The following PRKCB variants were observed in gnomAD, a reference collection of about 807,000 sequenced individuals.
PRKCB encodes protein kinase C beta.
In PRKCB, 13 loss-of-function variants were observed where a neutral mutation model predicts 81.5. The observed-to-expected ratio is 0.16, with a 90% CI of 0.10 to 0.25. The LOEUF is 0.25. Among genes scored for constraint, PRKCB ranks in the 10% least tolerant of loss-of-function variants. PRKCB has a pLI of 1.00. For synonymous variants in PRKCB, 335 were observed against 321.4 expected (o/e 1.04, Z -0.45); for missense variants, 509 against 875.7 (o/e 0.58, Z 5.29).
chr16:24,198,219 C>T (rs1967907040), intron 16 of PRKCB, among the ~76,000 whole-genome samples: 1 of 152,196 alleles, frequency 6.6e-6, no homozygotes, highest in African/African-American at 2.4e-5. Context: ...ACAAGATATG[C>T]TAGGTAATAT....
intron 8 of PRKCB, among the ~76,000 whole-genome samples, chr16:24,117,843 C>T (rs973717119): frequency 6.6e-6 from 1 of 152,184 alleles, no homozygotes; most frequent in Non-Finnish European, 1.5e-5. Flanking sequence ...GAATGCATGC[C>T]TCAGAATTTC....
At chr16:24,160,923 G>A (rs1204294391) in intron 10 of PRKCB, among the ~76,000 whole-genome samples, 1 of 152,132 alleles carries the variant, frequency 6.6e-6, no homozygotes, top group East Asian at 1.9e-4. Flanking sequence ...TGCTCCGCGT[G>A]TTTGAGGAAC....
At chr16:23,903,738 C>G (rs1963517867) in intron 2 of PRKCB, among the ~76,000 whole-genome samples, 1 of 152,130 alleles carries the variant, frequency 6.6e-6, no homozygotes, top group Non-Finnish European at 1.5e-5. Context: ...GCCTGGAATA[C>G]TTTTTCTTCT....
In PRKCB at chr16:23,963,471, T is replaced by C. The variant is rs577853045; in HGVS notation, c.206-25037T>C. The C allele has an allele frequency of 1.1e-4, 17 of 152,294 alleles. No individual in the cohort carries two copies. In the South Asian group the frequency reaches 1.7e-3, roughly 15 times the overall value. 9.4% of individuals were successfully genotyped at this position (152,294 alleles called of 1,614,324 possible). A position where few individuals can be genotyped will look rare whatever the true frequency, so the allele number is the denominator to read the frequency against. On this transcript the variant is annotated intron_variant, in intron 2 of 16. Coordinates refer to ENST00000643927, the MANE Select transcript of PRKCB (RefSeq NM_002738.7). ...TTAGCCAAGAATGGAACCTGAAACATAGTACGCTCCATGGATCATTGAAGC... is the reference window on the plus strand; with the variant it reads ...TTAGCCAAGAATGGAACCTGAAACACAGTACGCTCCATGGATCATTGAAGC...
At chr16:24,145,482 A>G (rs1306348725) in intron 9 of PRKCB, among the ~76,000 whole-genome samples, 1 of 152,224 alleles carries the variant, frequency 6.6e-6, no homozygotes, top group African/African-American at 2.4e-5. Context: ...AAAACAGGGT[A>G]GGAGACAACT....
intron 5 of PRKCB, among the ~76,000 whole-genome samples, chr16:24,052,809 G>A (rs1323846333): frequency 2.6e-5 from 4 of 152,158 alleles, no homozygotes; most frequent in African/African-American, 9.7e-5. Flanking sequence ...TATCAGCAAG[G>A]TCTTTGTGAC....
rs144553165 is a variant in PRKCB, at chr16:23,941,713, TG to T, written c.206-46793del. 4.6e-3 allele frequency among the ~76,000 whole-genome samples: 705 copies of T among 152,298 alleles called. 11 individuals carry two copies. The highest frequency in any genetic ancestry group is 0.016 in the African/African-American group (650 of 41,556). ...AATATTTGTTCTTGGTGAAAATTCT[TG>T]GAGAAAGGACTAAGAACAAAAAGAT... On this transcript the variant is annotated intron_variant, in intron 2 of 16. Transcript: ENST00000643927.
At chr16:23,986,233 G>A (rs1964802526) in intron 2 of PRKCB, among the ~76,000 whole-genome samples, 1 of 152,088 alleles carries the variant, frequency 6.6e-6, no homozygotes, top group Non-Finnish European at 1.5e-5. Flanking sequence ...GGAATACATA[G>A]TAGTTTTTAT....
intron 5 of PRKCB, among the ~76,000 whole-genome samples, chr16:24,047,589 A>G (rs1388169874): frequency 2.6e-5 from 4 of 151,846 alleles, no homozygotes; most frequent in Non-Finnish European, 1.5e-5. Flanking sequence ...AAGGCAGTGC[A>G]TGGAGGAGGC....
chr16:23,947,114 C>T (rs556722811), intron 2 of PRKCB, among the ~76,000 whole-genome samples: 2 of 152,222 alleles, frequency 1.3e-5, no homozygotes, highest in Non-Finnish European at 2.9e-5. Flanking sequence ...CCTTGGCCTC[C>T]CAAAGCGCTG....
At chr16:23,998,674 C>G (rs1461522010) in intron 3 of PRKCB, among the ~76,000 whole-genome samples, 1 of 152,168 alleles carries the variant, frequency 6.6e-6, no homozygotes. Context: ...TGTAAAAGCA[C>G]TTAGGACAGT....
intron 2 of PRKCB, among the ~76,000 whole-genome samples, chr16:23,844,029 C>T (rs370006084): frequency 1.2e-4 from 19 of 152,234 alleles, no homozygotes; most frequent in East Asian, 3.9e-4. Context: ...TTTCACAATA[C>T]GCATCTTCTT....
chr16:24,082,845 AG>A (rs928185563), intron 5 of PRKCB, among the ~76,000 whole-genome samples: 4 of 151,232 alleles, frequency 2.6e-5, no homozygotes, highest in Non-Finnish European at 5.9e-5. Context: ...AAAAAAAAAA[AG>A]TGGTAAATTG....
chr16:23,967,726 C>T (rs1425783845), intron 2 of PRKCB, among the ~76,000 whole-genome samples: 2 of 152,134 alleles, frequency 1.3e-5, no homozygotes, highest in Non-Finnish European at 2.9e-5. Context: ...AACCCCGGCC[C>T]ACTGCAACCT....
intron 2 of PRKCB, among the ~76,000 whole-genome samples, chr16:23,884,758 C>T (rs1382748804): frequency 1.3e-5 from 2 of 151,962 alleles, no homozygotes; most frequent in Admixed American, 6.6e-5. Context: ...CCAGACTGGT[C>T]TCAAACTCCT....
chr16:24,122,095 T>A (rs1966804894), intron 8 of PRKCB, among the ~76,000 whole-genome samples: 1 of 152,060 alleles, frequency 6.6e-6, no homozygotes, highest in Non-Finnish European at 1.5e-5. Context: ...TTAGAGAAAA[T>A]CAAGTAAGTA....
intron 2 of PRKCB, among the ~76,000 whole-genome samples, chr16:23,942,657 C>G (rs1964153615): frequency 2.0e-5 from 3 of 152,214 alleles, no homozygotes; most frequent in Admixed American, 2.0e-4. Context: ...CTCCTAGGGT[C>G]TTGTAGCAGT....
chr16:24,218,038 AATT>A lies in PRKCB; in HGVS notation c.*3224_*3226del. 2 of 985,434 alleles carry A rather than the reference AATT, an allele frequency of 2.0e-6. No individual in the cohort carries two copies. The highest frequency in any genetic ancestry group is 2.4e-6 in the Non-Finnish European group (2 of 829,924). 61.0% of individuals were successfully genotyped at this position (985,434 alleles called of 1,614,324 possible). A position where few individuals can be genotyped will look rare whatever the true frequency, so the allele number is the denominator to read the frequency against. ...CCAAGTCTTCCTTCATTCCACAAAT[AATT>A]ACAAACAACCTACTGTGTGCCAGGC... On this transcript the variant is annotated 3_prime_UTR_variant, in exon 17 of 17. Coordinates refer to ENST00000643927, the MANE Select transcript of PRKCB (RefSeq NM_002738.7).
At chr16:23,983,463 T>C (rs1964764338) in intron 2 of PRKCB, among the ~76,000 whole-genome samples, 1 of 152,196 alleles carries the variant, frequency 6.6e-6, no homozygotes, top group Admixed American at 6.5e-5. Flanking sequence ...ACCTTGTCAA[T>C]GGTTGGATTG....
Sources: gnomAD v4.1 joint callset for allele counts (sites outside exome capture counted in the v4.1 genomes callset) on GRCh38, gnomAD v4.1.1 for gene constraint, MANE v1.5 for transcripts, NCBI Gene and HGNC (gene_info 2026-07-23, HGNC 2026-07-21) for gene names.